JPH2: variants seen among roughly 807,000 people sequenced by gnomAD.
JPH2 encodes the protein junctophilin-2.
In JPH2, 38 loss-of-function variants were observed where a neutral mutation model predicts 55.9. The ratio of observed to expected loss-of-function variants is 0.68; its 90% CI spans 0.52 to 0.89. The LOEUF (loss-of-function observed/expected upper bound fraction) is 0.89, where lower values mean the gene tolerates loss of function less well. JPH2 is among the 40% of genes least tolerant of loss of function. JPH2 has a pLI of 0.00. For missense variants in JPH2, 964 were observed against 1,037.6 expected (o/e 0.93, Z 0.97); for synonymous variants, 480 against 472.4 (o/e 1.02, Z -0.21).
At position 44,115,887 on chromosome 20, in the gene JPH2, G is replaced by C. The variant is rs760929264; in HGVS notation, c.1788C>G (p.Pro596=). The part of the protein sequence containing the change: ...EPEVSGSESA[P]SSPATAPLQA... ...GCAGCGGGGCGGTGGCCGGGGACGA[G>C]GGCGCGGACTCGGACCCGGAGACCT... The change falls in exon 4 of 6, where the codon CCC becomes CCG. Residue 596 remains proline (P), a synonymous_variant. Coordinates refer to ENST00000372980, the MANE Select transcript of JPH2 (RefSeq NM_020433.5). The C allele has an allele frequency of 1.3e-6, 2 of 1,580,818 alleles. No individual in the cohort carries two copies. The highest frequency in any genetic ancestry group is 1.7e-6 in the Non-Finnish European group (2 of 1,169,742).
At chr20:44,142,597 G>A (rs1017553464) in intron 2 of JPH2, among the ~76,000 whole-genome samples, 3 of 152,144 alleles carry the variant, frequency 2.0e-5, no homozygotes, top group South Asian at 4.1e-4. Context: ...CAATTTCAAC[G>A]AGGCCTTCCT....
At chr20:44,148,827 G>T (rs1188928473) in intron 2 of JPH2, among the ~76,000 whole-genome samples, 1 of 152,158 alleles carries the variant, frequency 6.6e-6, no homozygotes, top group Non-Finnish European at 1.5e-5. Flanking sequence ...ACTTTGGGAG[G>T]CCGAGGTGGG....
At chr20:44,114,455 C>T (rs2072170587) in intron 5 of JPH2, among the ~76,000 whole-genome samples, 1 of 152,016 alleles carries the variant, frequency 6.6e-6, no homozygotes, top group Admixed American at 6.6e-5. Flanking sequence ...CTGCTGTATC[C>T]CCATCTCCCA....
intron 2 of JPH2, among the ~76,000 whole-genome samples, chr20:44,126,743 G>T (rs1268076154): frequency 6.6e-6 from 1 of 152,214 alleles, no homozygotes; most frequent in East Asian, 1.9e-4. Flanking sequence ...GCTATGTGGA[G>T]CCCAGAACTG....
chr20:44,139,555 G>GA (rs934488654), intron 2 of JPH2, among the ~76,000 whole-genome samples: 2 of 151,552 alleles, frequency 1.3e-5, no homozygotes, highest in East Asian at 1.9e-4. Flanking sequence ...ACACAGCAAA[G>GA]AAAAAAAAGC....
At chr20:44,164,941 G>A (rs1387696263) in intron 1 of JPH2, among the ~76,000 whole-genome samples, 3 of 151,602 alleles carry the variant, frequency 2.0e-5, no homozygotes, top group African/African-American at 7.3e-5. Context: ...GGGTTCAAGC[G>A]ATTCTCCTGC....
chr20:44,131,043 T>C (rs1428290330), intron 2 of JPH2, among the ~76,000 whole-genome samples: 1 of 152,208 alleles, frequency 6.6e-6, no homozygotes, highest in African/African-American at 2.4e-5. Context: ...GTAAGAGATG[T>C]CAGGCAGATT....
At chr20:44,179,873 T>C (rs1600477980) in intron 1 of JPH2, among the ~76,000 whole-genome samples, 1 of 152,244 alleles carries the variant, frequency 6.6e-6, no homozygotes, top group Admixed American at 6.5e-5. Flanking sequence ...TTTCCTCATA[T>C]GTAAAACAGG....
At chr20:44,121,610 C>CTTAT (rs3037627) in intron 2 of JPH2, among the ~76,000 whole-genome samples, 147,190 of 151,956 alleles carry the variant, frequency 0.97, 71,333 homozygotes, top group East Asian at 1. Context: ...CAGAAATTAA[C>CTTAT]TTAACCCCCC....
chr20:44,111,313 A>G lies in JPH2; in HGVS notation c.*2205T>C, dbSNP rs928089948. Among the ~76,000 whole-genome samples, 2 of 152,172 alleles carry G rather than the reference A, an allele frequency of 1.3e-5. No homozygotes were observed. The highest frequency in any genetic ancestry group is 4.1e-4 in the South Asian group (2 of 4,826). On this transcript the variant is annotated 3_prime_UTR_variant, in exon 6 of 6. Coordinates refer to ENST00000372980, the MANE Select transcript of JPH2 (RefSeq NM_020433.5). ...TTCTCCACTGCTTTCTACAGCCTCA[A>G]CATCTAATGTAATCCTCACTACCAG...
Position 44,116,124 on chromosome 20 carries a change from G to A in JPH2, c.1551C>T (p.Ser517=), listed in dbSNP as rs1295638660. The change falls in exon 4 of 6, where the codon AGC becomes AGT. Residue 517 remains serine (S), a synonymous_variant. Transcript: ENST00000372980. ...GAGTGACTGACCGGCTGCCCTCACC[G>A]CTGGGCTCGCCGTTCCAGGCGCCTG... The part of the protein sequence containing the change: ...LSPGAWNGEP[S]GEGSRSVTPS... The A allele has an allele frequency of 1.2e-5, 18 of 1,453,554 alleles. No individual in the cohort carries two copies. The highest frequency in any genetic ancestry group is 1.5e-5 in the Non-Finnish European group (17 of 1,113,792). The allele number at this position is 1,453,554 out of a possible 1,614,324, so 90.0% of individuals were successfully genotyped here. A position where few individuals can be genotyped will look rare whatever the true frequency, so the allele number is the denominator to read the frequency against.
rs2072112755 is a variant in JPH2 at position 44,106,979 on chromosome 20, G to A, written c.*6539C>T. Among the ~76,000 whole-genome samples the A allele has an allele frequency of 6.6e-6, 1 of 152,120 alleles. No individual in the cohort carries two copies. The highest frequency in any genetic ancestry group is 2.4e-5 in the African/African-American group (1 of 41,442). On this transcript the variant is annotated 3_prime_UTR_variant, in exon 6 of 6. Transcript: ENST00000372980. ...CTTGCTCTGGAGCTCCCACTGGGTT[G>A]GACTTTGTCAGGCCTGCATCAAGTT...
chr20:44,108,342 T>G lies in JPH2; in HGVS notation c.*5176A>C, dbSNP rs1382291017. Among the ~76,000 whole-genome samples the G allele has an allele frequency of 6.6e-6, 1 of 152,164 alleles. No homozygotes were observed. Among genetic ancestry groups the G allele is most frequent in the Non-Finnish European group, 1.5e-5 (1 of 68,030 alleles). ...TCAATGTGACTTGAGTAGAATAGCT[T>G]TCAGTGAGTTCTGTGAGTCTTTCTA... On this transcript the variant is annotated 3_prime_UTR_variant, in exon 6 of 6. Coordinates refer to ENST00000372980, the MANE Select transcript of JPH2 (RefSeq NM_020433.5).
At chr20:44,185,402 T>C (rs145387456) in intron 1 of JPH2, among the ~76,000 whole-genome samples, 257 of 152,126 alleles carry the variant, frequency 1.7e-3, no homozygotes, top group African/African-American at 4.2e-3. Context: ...GACAGGCAGA[T>C]TGCTTGAGCT....
At chr20:44,114,635 G>A (rs1470383787) in intron 5 of JPH2, 147 bp downstream of exon 5, 2 of 619,220 alleles carry the variant, frequency 3.2e-6, no homozygotes, top group African/African-American at 3.6e-5. Flanking sequence ...CACACTCTAG[G>A]TCTTGGCTTC....
Position 44,115,762 on chromosome 20 carries a change from C to G in JPH2, c.1913G>C (p.Arg638Pro), listed in dbSNP as rs762807114. 10 of 1,612,504 alleles carry G rather than the reference C, an allele frequency of 6.2e-6. No individual in the cohort carries two copies. The East Asian group carries it at 2.0e-4, about 32-fold the overall frequency. Residue 638 changes from arginine to proline, a missense_variant, in exon 4 of 6, where the codon CGC (arginine) becomes CCC (proline). Transcript: ENST00000372980. ...GGTCAGCCCTCGAGCCTCAGTCTTGCGGGCCTTGGCCCTGGGCTCGGCTTT... is the reference window on the plus strand; with the variant it reads ...GGTCAGCCCTCGAGCCTCAGTCTTGGGGGCCTTGGCCCTGGGCTCGGCTTT... Reference protein sequence around the residue: ...IPKAEPRAKARKTEARGLTKA... With the variant: ...IPKAEPRAKAPKTEARGLTKA...
chr20:44,116,853 G>T (rs1325224867), intron 3 of JPH2, among the ~76,000 whole-genome samples: 1 of 152,244 alleles, frequency 6.6e-6, no homozygotes, highest in Non-Finnish European at 1.5e-5. Context: ...CAGGGGGAGC[G>T]CTGTGACCAG....
chr20:44,115,650 GC>G lies in JPH2; in HGVS notation c.2010+14del, dbSNP rs2072182736. On this transcript the variant is annotated intron_variant, in intron 4 of 5. Transcript: ENST00000372980. ...GGGAACCCGACCTTAGGCACACCTT[GC>G]CCGACAGCCTCACCTCTTCCACCTC... The G allele has an allele frequency of 6.2e-7, 1 of 1,611,902 alleles. No individual in the cohort carries two copies. The highest frequency in any genetic ancestry group is 8.5e-7 in the Non-Finnish European group (1 of 1,179,888).
intron 2 of JPH2, among the ~76,000 whole-genome samples, chr20:44,152,513 C>A (rs2072538415): frequency 6.6e-6 from 1 of 151,572 alleles, no homozygotes. Flanking sequence ...CTGTTCTCCA[C>A]AAAAAAGGGG....
Sources: allele counts gnomAD v4.1 joint callset (sites outside exome capture counted in the v4.1 genomes callset), GRCh38; gene constraint gnomAD v4.1.1; transcripts MANE v1.5; gene names NCBI Gene and HGNC (gene_info 2026-07-23, HGNC 2026-07-21).